The following SORCS3 variants were observed in gnomAD, a reference collection of about 807,000 sequenced individuals.
SORCS3 encodes the protein VPS10 domain-containing receptor SorCS3.
A neutral mutation model predicts 146.3 loss-of-function variants in SORCS3; 57 were observed. The ratio of observed to expected loss-of-function variants is 0.39; its 90% CI spans 0.31 to 0.49. The LOEUF is 0.49. Among genes scored for constraint, SORCS3 ranks in the 20% least tolerant of loss-of-function variants. SORCS3 has a pLI of 0.92. For missense variants in SORCS3, 1,341 were observed against 1,575.5 expected (o/e 0.85, Z 2.52); for synonymous variants, 653 against 618.5 (o/e 1.06, Z -0.83).
At chr10:104,975,816 T>C (rs549551261) in intron 3 of SORCS3, among the ~76,000 whole-genome samples, 1 of 152,328 alleles carries the variant, frequency 6.6e-6, no homozygotes, top group African/African-American at 2.4e-5. Context: ...GGGGAAAGGA[T>C]TCCCTATTTA....
intron 3 of SORCS3, among the ~76,000 whole-genome samples, chr10:104,958,041 C>T (rs74155079): frequency 0.015 from 2,346 of 152,170 alleles, 53 homozygotes; most frequent in African/African-American, 0.054. Context: ...CGGAGAAGAC[C>T]TGTTAGGTTA....
At chr10:104,648,812 T>G (rs1203028996) in intron 1 of SORCS3, among the ~76,000 whole-genome samples, 1 of 152,226 alleles carries the variant, frequency 6.6e-6, no homozygotes, top group Non-Finnish European at 1.5e-5. Context: ...GAAAAAATAA[T>G]GGAGTCTAAG....
intron 23 of SORCS3, among the ~76,000 whole-genome samples, chr10:105,254,660 G>C (rs1042648180): frequency 2.6e-5 from 4 of 151,542 alleles, no homozygotes; most frequent in Non-Finnish European, 5.9e-5. Context: ...TTAGCTTGGC[G>C]TGGTGGCACG....
rs71482443 is a variant in SORCS3, at chr10:105,016,155, A to ATATTTTT, written c.955-26899_955-26898insATTTTTT. ...TATAAATATATATATATATATATAT[A>ATATTTTT]TTTTTTTTTTTTTTTGAGATGGAGT... On this transcript the variant is annotated intron_variant, in intron 4 of 26. Transcript: ENST00000369701. Among the ~76,000 whole-genome samples, 53 of 101,316 alleles carry ATATTTTT rather than the reference A, an allele frequency of 5.2e-4. 1 individual carries two copies. The highest frequency in any genetic ancestry group is 1.1e-3 in the African/African-American group (22 of 20,674). 66.5% of individuals were successfully genotyped at this position (101,316 alleles called of 152,430 possible).
chr10:105,147,470 G>A (rs113986236), intron 8 of SORCS3, 147 bp from the exon 9 acceptor site: 6 of 585,858 alleles, frequency 1.0e-5, no homozygotes, highest in African/African-American at 7.7e-5. Context: ...ATAATTTATA[G>A]CCTTGGTTCA....
At chr10:104,660,013 A>G (rs1006757897) in intron 1 of SORCS3, among the ~76,000 whole-genome samples, 19 of 152,174 alleles carry the variant, frequency 1.2e-4, no homozygotes, top group African/African-American at 4.6e-4. Flanking sequence ...CACTGGCCAG[A>G]GGATGAGCTG....
At chr10:104,771,731 C>T (rs954083312) in intron 1 of SORCS3, among the ~76,000 whole-genome samples, 3 of 151,886 alleles carry the variant, frequency 2.0e-5, no homozygotes. Context: ...AGTCCAGGAC[C>T]ACAACAGGGA....
intron 7 of SORCS3, among the ~76,000 whole-genome samples, chr10:105,131,461 G>T (rs1231154887): frequency 6.6e-6 from 1 of 152,240 alleles, no homozygotes; most frequent in African/African-American, 2.4e-5. Flanking sequence ...GCCCAATTAT[G>T]GTTCGTATTC....
chr10:104,931,070 T>G (rs1445819317), intron 3 of SORCS3, among the ~76,000 whole-genome samples: 1 of 152,238 alleles, frequency 6.6e-6, no homozygotes, highest in Non-Finnish European at 1.5e-5. Flanking sequence ...TTGCTCTTAT[T>G]CAGGCATCTG....
At chr10:105,163,783 T>C (rs1172529888) in intron 11 of SORCS3, among the ~76,000 whole-genome samples, 1 of 152,006 alleles carries the variant, frequency 6.6e-6, no homozygotes, top group East Asian at 1.9e-4. Flanking sequence ...CCGTATAATT[T>C]AGGTTACATA....
chr10:104,697,169 C>T (rs1369243749), intron 1 of SORCS3, among the ~76,000 whole-genome samples: 7 of 152,168 alleles, frequency 4.6e-5, no homozygotes, highest in South Asian at 2.1e-4. Context: ...AATAAATAAA[C>T]GATCCCTGAT....
rs2055812821 is a variant in SORCS3, at chr10:105,105,258, T to A, written c.1094-139T>A. 3 of 579,832 alleles carry A rather than the reference T, an allele frequency of 5.2e-6. No homozygotes were observed. The African/African-American group carries it at 5.7e-5, about 11-fold the overall frequency. 35.9% of individuals were successfully genotyped at this position (579,832 alleles called of 1,614,324 possible). A position where few individuals can be genotyped will look rare whatever the true frequency, so the allele number is the denominator to read the frequency against. The stretch of plus-strand genomic sequence containing the variant: ...ATTTTTTGGGAATTATTATAAATTC[T>A]GTGGACAAAAGCATGAAATCTCACT... On this transcript the variant is annotated intron_variant, in intron 6 of 26. Transcript: ENST00000369701.
intron 2 of SORCS3, among the ~76,000 whole-genome samples, chr10:104,876,742 C>T (rs1177102939): frequency 1.5e-5 from 2 of 131,876 alleles, no homozygotes; most frequent in Non-Finnish European, 3.2e-5. Flanking sequence ...TTCCTTCCTT[C>T]CTTCCTTTCT....
At position 105,056,186 on chromosome 10, in the gene SORCS3, T is replaced by C. The variant is rs544440737; in HGVS notation, c.1028+13058T>C. Among the ~76,000 whole-genome samples the C allele has an allele frequency of 2.0e-5, 3 of 152,326 alleles. No individual in the cohort carries two copies. The East Asian group carries it at 5.8e-4, about 29-fold the overall frequency. On this transcript the variant is annotated intron_variant, in intron 5 of 26. Coordinates refer to ENST00000369701, the MANE Select transcript of SORCS3 (RefSeq NM_014978.3). ...CAATTGGATCAAAGCTGAGGTCATA[T>C]GTCTGGAGAGTAGTTAGTTAGTTGA...
chr10:105,063,596 T>C (rs1371216677), intron 5 of SORCS3, among the ~76,000 whole-genome samples: 1 of 152,246 alleles, frequency 6.6e-6, no homozygotes, highest in East Asian at 1.9e-4. Context: ...CCTATTTACA[T>C]TTGTTGCCCT....
At chr10:104,922,751 C>G (rs2019099634) in intron 3 of SORCS3, among the ~76,000 whole-genome samples, 1 of 147,572 alleles carries the variant, frequency 6.8e-6, no homozygotes, top group African/African-American at 2.6e-5. Context: ...ATCCCTGTTT[C>G]CAGTTGGCAG....
chr10:104,903,918 A>G (rs1352743095), intron 2 of SORCS3, among the ~76,000 whole-genome samples: 2 of 152,210 alleles, frequency 1.3e-5, no homozygotes, highest in African/African-American at 2.4e-5. Context: ...TAATTTTGTC[A>G]TGAAATTGTT....
At chr10:104,658,545 A>G (rs115485853) in intron 1 of SORCS3, among the ~76,000 whole-genome samples, 2,779 of 152,262 alleles carry the variant, frequency 0.018, 94 homozygotes, top group African/African-American at 0.064. Context: ...AGTGTAGGCA[A>G]CAGTTCATTA....
chr10:105,219,694 A>G (rs1024295285), intron 19 of SORCS3, among the ~76,000 whole-genome samples: 1 of 152,196 alleles, frequency 6.6e-6, no homozygotes, highest in Non-Finnish European at 1.5e-5. Context: ...ACTTCCTATT[A>G]ACTTTGTACC....
Sources: allele counts gnomAD v4.1 joint callset (sites outside exome capture counted in the v4.1 genomes callset), GRCh38; gene constraint gnomAD v4.1.1; transcripts MANE v1.5; gene names NCBI Gene and HGNC (gene_info 2026-07-23, HGNC 2026-07-21).